DSCAM: variants seen among roughly 807,000 people sequenced by gnomAD.
DSCAM encodes the protein DS cell adhesion molecule.
Under a neutral mutation model 217.7 loss-of-function variants are expected in DSCAM, and 47 were observed. The ratio of observed to expected loss-of-function variants is 0.22; its 90% CI spans 0.17 to 0.28. The LOEUF (loss-of-function observed/expected upper bound fraction) is 0.28, where lower values mean the gene tolerates loss of function less well. Ranked by LOEUF, DSCAM falls within the 10% of genes least tolerant of loss-of-function variation. The probability of loss-of-function intolerance (pLI) is 1.00; values close to 1 mark genes in which losing one functional copy is unlikely to be tolerated. For missense variants in DSCAM, 2,080 were observed against 2,618.3 expected (o/e 0.79, Z 4.49); for synonymous variants, 1,056 against 1,015.3 (o/e 1.04, Z -0.76).
rs1397421938 is a variant in DSCAM at position 40,339,125 on chromosome 21, C to G, written c.1501G>C (p.Val501Leu). The G allele has an allele frequency of 2.0e-5, 32 of 1,613,912 alleles. No homozygotes were observed. Among genetic ancestry groups the G allele is most frequent in the Non-Finnish European group, 2.7e-5 (32 of 1,179,980 alleles). The change falls in exon 7 of 33, where the codon GTA becomes CTA. Residue 501 changes from valine to leucine, a missense_variant. By Grantham distance (32) the Val-to-Leu change is conservative (BLOSUM62 1). Around this residue, in one of 5 missense-constraint regions of DSCAM, gnomAD observed 568 missense variants for 678.1 expected, o/e 0.84. Transcript: ENST00000400454. ...GVVLYQARIN[V>L]RGPASIRPMK... ...GAGCTGATTTGACAAGCACCTCTTACGTTTATTCGAGCCTGGTACAGGACG... is the reference window on the plus strand; with the variant it reads ...GAGCTGATTTGACAAGCACCTCTTAGGTTTATTCGAGCCTGGTACAGGACG...
chr21:40,018,607 G>A (rs2088207169), intron 32 of DSCAM, among the ~76,000 whole-genome samples: 1 of 152,162 alleles, frequency 6.6e-6, no homozygotes. Flanking sequence ...TAATAGCATT[G>A]TGGTCCCGGC....
chr21:40,756,198 GA>G (rs1352896780), intron 1 of DSCAM, among the ~76,000 whole-genome samples: 2 of 152,120 alleles, frequency 1.3e-5, no homozygotes, highest in African/African-American at 2.4e-5. Context: ...CTGGTTATTT[GA>G]AAGTTTGTGG....
chr21:40,346,485 T>G (rs1034124247), intron 6 of DSCAM, among the ~76,000 whole-genome samples: 2 of 151,540 alleles, frequency 1.3e-5, no homozygotes, highest in African/African-American at 4.8e-5. Flanking sequence ...TATATCAAAA[T>G]CATTTTATTA....
chr21:40,834,464 A>G (rs2092040951), intron 1 of DSCAM, among the ~76,000 whole-genome samples: 1 of 138,184 alleles, frequency 7.2e-6, no homozygotes, highest in African/African-American at 2.6e-5. Context: ...AATAATAATA[A>G]TAATAGTTGC....
chr21:40,510,107 G>A (rs1022677834), intron 3 of DSCAM, among the ~76,000 whole-genome samples: 2 of 152,086 alleles, frequency 1.3e-5, no homozygotes, highest in African/African-American at 4.8e-5. Flanking sequence ...CCTGGTGACA[G>A]AGCGAGACTC....
At chr21:40,462,852 A>G (rs2075816893) in intron 3 of DSCAM, among the ~76,000 whole-genome samples, 1 of 152,172 alleles carries the variant, frequency 6.6e-6, no homozygotes, top group African/African-American at 2.4e-5. Context: ...CACATGGTAA[A>G]TGTGGGGGCC....
At chr21:40,295,928 G>T in intron 10 of DSCAM, 127 bp downstream of exon 10, 5 of 1,177,000 alleles carry the variant, frequency 4.2e-6, no homozygotes, top group Non-Finnish European at 3.5e-6. Flanking sequence ...AGAATGATAG[G>T]CTTGGTGGAA....
chr21:40,066,107 G>T (rs1294522095), intron 27 of DSCAM, among the ~76,000 whole-genome samples: 1 of 152,128 alleles, frequency 6.6e-6, no homozygotes, highest in Non-Finnish European at 1.5e-5. Flanking sequence ...GTGAAGCTTC[G>T]GTTCCCTCCG....
Position 40,144,615 on chromosome 21 carries a change from G to A in DSCAM, c.3135C>T (p.Asp1045=). 1 of 1,614,178 alleles carries A rather than the reference G, an allele frequency of 6.2e-7. No individual in the cohort carries two copies. Among genetic ancestry groups the A allele is most frequent in the Non-Finnish European group, 8.5e-7 (1 of 1,180,038 alleles). The stretch of plus-strand genomic sequence containing the variant: ...GGTTGTCCAGGGTGTAAACCTCACT[G>A]TCCCCGCTGGTGTCGACACTGATAA... ...FNIISVDTSG[D]SEVYTLDNLN... is the part of the protein sequence containing the mutation. Residue 1045 remains aspartate, a synonymous_variant, in exon 17 of 33, where the codon GAC becomes GAT. Transcript: ENST00000400454. This position sits in a 1 kb window ranked among gnomAD's most constrained non-coding sequence, Gnocchi z 4.8.
intron 5 of DSCAM, among the ~76,000 whole-genome samples, chr21:40,351,721 A>T (rs1036071059): frequency 1.3e-5 from 2 of 152,152 alleles, no homozygotes; most frequent in Non-Finnish European, 2.9e-5. Flanking sequence ...TAGATGTGGA[A>T]GAAGGGAACA....
intron 1 of DSCAM, among the ~76,000 whole-genome samples, chr21:40,785,794 C>T (rs1200224243): frequency 1.3e-5 from 2 of 152,196 alleles, no homozygotes; most frequent in Non-Finnish European, 2.9e-5. Flanking sequence ...ACATCTGCCT[C>T]CTCAGAGAAT....
At position 40,485,043 on chromosome 21, in the gene DSCAM, A is replaced by G. The variant is rs190486864; in HGVS notation, c.509-115798T>C. Among the ~76,000 whole-genome samples the G allele has an allele frequency of 6.5e-4, 99 of 152,056 alleles. 2 individuals are homozygous for G. Among genetic ancestry groups the G allele is most frequent in the Admixed American group, 6.4e-3 (97 of 15,256 alleles). ...TTAGAGACGCTTCCAGAGTCTCATT[A>G]TGTTATTATACAGAGGAATTGAAGA... is the stretch of plus-strand genomic sequence containing the variant. On this transcript the variant is annotated intron_variant, in intron 3 of 32. Coordinates refer to ENST00000400454, the MANE Select transcript of DSCAM (RefSeq NM_001389.5).
intron 32 of DSCAM, among the ~76,000 whole-genome samples, chr21:40,019,024 T>C (rs2088215462): frequency 6.6e-6 from 1 of 152,210 alleles, no homozygotes. Flanking sequence ...CTCTCAATAA[T>C]TAATGCACTT....
intron 11 of DSCAM, among the ~76,000 whole-genome samples, chr21:40,239,538 A>G (rs976143334): frequency 1.3e-5 from 2 of 152,250 alleles, no homozygotes; most frequent in African/African-American, 2.4e-5. Flanking sequence ...AATAAAATGT[A>G]ATGCTTTTTC....
chr21:40,421,012 T>C (rs1034653538), intron 3 of DSCAM, among the ~76,000 whole-genome samples: 6 of 152,172 alleles, frequency 3.9e-5, no homozygotes, highest in South Asian at 2.1e-4. Flanking sequence ...TAAACTAATA[T>C]AGAAGCTTAA....
intron 1 of DSCAM, among the ~76,000 whole-genome samples, chr21:40,716,933 G>A (rs935945349): frequency 5.9e-5 from 9 of 152,190 alleles, no homozygotes; most frequent in African/African-American, 2.2e-4. Context: ...AAATGCAACA[G>A]AAGCATAAGT....
intron 20 of DSCAM, among the ~76,000 whole-genome samples, chr21:40,103,517 A>G (rs1475494705): frequency 6.6e-6 from 1 of 152,088 alleles, no homozygotes; most frequent in Non-Finnish European, 1.5e-5. Flanking sequence ...ATTTTGATCT[A>G]ATTTCCATTT....
At chr21:40,017,697 A>G (rs537898367) in intron 32 of DSCAM, among the ~76,000 whole-genome samples, 239 of 151,932 alleles carry the variant, frequency 1.6e-3, no homozygotes, top group East Asian at 0.014. Context: ...GATTACAGGC[A>G]TGCACCACCA....
intron 3 of DSCAM, among the ~76,000 whole-genome samples, chr21:40,395,923 A>G (rs1320906391): frequency 1.3e-5 from 2 of 152,144 alleles, no homozygotes; most frequent in Non-Finnish European, 2.9e-5. Context: ...CTCACAGCCC[A>G]TCAGCCATCA....
Sources: allele counts gnomAD v4.1 joint callset (sites outside exome capture counted in the v4.1 genomes callset), GRCh38; gene constraint gnomAD v4.1.1; regional missense constraint gnomAD v4.1.1; non-coding constraint Gnocchi (gnomAD v3.1); transcripts MANE v1.5; gene names NCBI Gene and HGNC (gene_info 2026-07-23, HGNC 2026-07-21).